Variants in MIER1 observed in about 807,000 individuals in gnomAD.
MIER1 encodes the protein mesoderm induction early response protein 1.
A neutral mutation model predicts 75.7 loss-of-function variants in MIER1; 40 were observed. That is an observed-to-expected ratio of 0.53 (90% CI 0.41 to 0.69). The LOEUF is 0.69. MIER1 is among the 30% of genes least tolerant of loss of function. The pLI, the probability that MIER1 is intolerant of heterozygous loss-of-function variation, is 0.00. For synonymous variants in MIER1, 213 were observed against 223.4 expected, an observed-to-expected ratio of 0.95 and a Z score of 0.42; for missense variants, 574 against 680.2, an observed-to-expected ratio of 0.84 and a Z score of 1.74.
chr1:66,943,654 A>T (rs934541790), intron 3 of MIER1, among the ~76,000 whole-genome samples: 3 of 152,072 alleles, frequency 2.0e-5, no homozygotes, highest in African/African-American at 7.2e-5. Context: ...CCCTGAGCTC[A>T]AGCAGTCCTC....
chr1:66,928,889 G>T (rs1315394563), intron 2 of MIER1: 1 of 1,597,146 alleles, frequency 6.3e-7, no homozygotes, highest in South Asian at 1.1e-5. Context: ...TCTTTCAGTA[G>T]AAAATGTGCA....
chr1:66,955,756 T>G (rs1008823553), intron 4 of MIER1, among the ~76,000 whole-genome samples: 5 of 152,210 alleles, frequency 3.3e-5, no homozygotes, highest in Admixed American at 2.0e-4. Flanking sequence ...CGCTTATGTT[T>G]TTTTCCTTTT....
intron 4 of MIER1, among the ~76,000 whole-genome samples, chr1:66,957,565 A>G (rs1411334907): frequency 7.2e-6 from 1 of 139,662 alleles, no homozygotes; most frequent in Non-Finnish European, 1.6e-5. Flanking sequence ...TCATTTCTGT[A>G]TATTACTACT....
chr1:66,957,967 A>G (rs1010030452), intron 4 of MIER1, 92 bp from the exon 5 acceptor site: 9 of 687,588 alleles, frequency 1.3e-5, no homozygotes, highest in South Asian at 7.0e-5. Flanking sequence ...ATTCTTCACT[A>G]TAGAATGAAT....
intron 3 of MIER1, among the ~76,000 whole-genome samples, chr1:66,941,425 C>T (rs1020368462): frequency 6.6e-5 from 10 of 151,038 alleles, no homozygotes; most frequent in Non-Finnish European, 1.0e-4. Context: ...GAATTATTTC[C>T]GATTTTTTTT....
Position 66,946,289 on chromosome 1 carries a change from T to C in MIER1, c.333T>C (p.Leu111=), listed in dbSNP as rs1475739789. The change falls in exon 4 of 14, where the codon CTT becomes CTC. Residue 111 remains leucine, a synonymous_variant. Transcript: ENST00000401041. ...ACTTCAGCTCTGAAATAGAAGATCT[T>C]GCAAGGGTAAATAACATGTAGAGCT... ...ETNFSSEIED[L]AREGDMPIHE... The C allele has an allele frequency of 1.3e-5, 21 of 1,606,076 alleles. No homozygotes were observed. Among genetic ancestry groups the C allele is most frequent in the Admixed American group, 1.7e-5 (1 of 57,516 alleles).
chr1:66,950,026 T>A (rs1658558955), intron 4 of MIER1, among the ~76,000 whole-genome samples: 2 of 152,180 alleles, frequency 1.3e-5, no homozygotes, highest in Non-Finnish European at 2.9e-5. Context: ...TAAAATTGGG[T>A]GTATAGGTTA....
intron 2 of MIER1, among the ~76,000 whole-genome samples, chr1:66,930,026 T>TGGCGGATCAGCTGGAGC (rs1553237254): frequency 1.3e-5 from 2 of 152,140 alleles, no homozygotes; most frequent in African/African-American, 4.8e-5. Context: ...CCGCCTGGAG[T>TGGCGGATCAGCTGGAGC]GGCGGATCAG....
At chr1:66,984,011 A>G (rs1183949754) in intron 13 of MIER1, among the ~76,000 whole-genome samples, 4 of 152,264 alleles carry the variant, frequency 2.6e-5, no homozygotes, top group Non-Finnish European at 2.9e-5. Context: ...GGCGTGAGCC[A>G]CTGCACCCAG....
At chr1:66,966,302 T>TG (rs952549170) in intron 8 of MIER1, among the ~76,000 whole-genome samples, 30 of 152,302 alleles carry the variant, frequency 2.0e-4, no homozygotes, top group African/African-American at 5.5e-4. Flanking sequence ...TTTTTGTCCT[T>TG]GCGATAGTTT....
At chr1:66,971,407 T>C (rs1663585187) in intron 9 of MIER1, among the ~76,000 whole-genome samples, 1 of 152,062 alleles carries the variant, frequency 6.6e-6, no homozygotes, top group South Asian at 2.1e-4. Context: ...ATGAATTCTT[T>C]TTAGTCCTAG....
chr1:66,947,880 T>A, intron 4 of MIER1: 1 of 971,512 alleles, frequency 1.0e-6, no homozygotes, highest in Middle Eastern at 5.3e-4. Flanking sequence ...GGTTTTCAGC[T>A]CATTCTCACT....
At chr1:66,956,952 A>T (rs1660249852) in intron 4 of MIER1, among the ~76,000 whole-genome samples, 1 of 152,216 alleles carries the variant, frequency 6.6e-6, no homozygotes, top group Non-Finnish European at 1.5e-5. Flanking sequence ...AATGTGTTTA[A>T]CACATGAGCT....
Position 66,953,596 on chromosome 1 carries a change from C to CT in MIER1, c.340-4447dup, listed in dbSNP as rs56012776. Among the ~76,000 whole-genome samples the CT allele has an allele frequency of 7.2e-3, 967 of 134,648 alleles. 11 individuals carry two copies. Among genetic ancestry groups the CT allele is most frequent in the East Asian group, 0.039 (185 of 4,758 alleles). The allele number at this position is 134,648 out of a possible 152,430, so 88.3% of individuals were successfully genotyped here. A position where few individuals can be genotyped will look rare whatever the true frequency, so the allele number is the denominator to read the frequency against. On this transcript the variant is annotated intron_variant, in intron 4 of 13. Coordinates refer to ENST00000401041, the MANE Select transcript of MIER1 (RefSeq NM_001077700.3). ...ACTAGTAAGTAAGCATTTTCTTTTC[C>CT]TTTTTTTTTTTTTTTTAATATTCTT... is the stretch of plus-strand genomic sequence containing the variant.
At chr1:66,925,172 C>T (rs2100953445) in intron 1 of MIER1, 77 bp downstream of exon 1, 2 of 1,494,476 alleles carry the variant, frequency 1.3e-6, no homozygotes, top group African/African-American at 1.4e-5. Flanking sequence ...TGTCCTCAGT[C>T]CCCTTTCTCT....
rs1570267669 is a variant in MIER1 at position 66,949,400 on chromosome 1, A to G, written c.339+3105A>G. On this transcript the variant is annotated intron_variant, in intron 4 of 13. Coordinates refer to ENST00000401041, the MANE Select transcript of MIER1 (RefSeq NM_001077700.3). ...CTCCTATTCCTTTCCCCAGCCCCAT[A>G]TAGTGCCTTAAAACTTGCTTTCAAG... is the stretch of plus-strand genomic sequence containing the variant. Among the ~76,000 whole-genome samples, 4 of 152,134 alleles carry G rather than the reference A, an allele frequency of 2.6e-5. No individual in the cohort carries two copies. In the South Asian group the frequency reaches 8.3e-4, roughly 32 times the overall value.
chr1:66,925,040 T>A lies in MIER1; in HGVS notation c.12T>A (p.Ala4=). 6.5e-7 allele frequency: 1 copy of A among 1,549,622 alleles called. No individual in the cohort carries two copies. Among genetic ancestry groups the A allele is most frequent in the Non-Finnish European group, 8.7e-7 (1 of 1,146,254 alleles). The part of the protein sequence containing the change: MDG[A]SSGGGGSSEG... ...CCGGCTGCAGGCGGATGGATGGGGC[T>A]TCTTCAGGCGGTGGCGGCAGCAGCG... The change falls in exon 1 of 14, where the codon GCT becomes GCA. Residue 4 remains alanine (A), a synonymous_variant. Transcript: ENST00000401041.
chr1:66,955,082 A>G (rs894403100), intron 4 of MIER1, among the ~76,000 whole-genome samples: 1 of 152,142 alleles, frequency 6.6e-6, no homozygotes, highest in African/African-American at 2.4e-5. Context: ...TTAATCTATG[A>G]TTGTCAGACA....
At position 66,972,259 on chromosome 1, in the gene MIER1, T is replaced by G. The variant is rs768392299; in HGVS notation, c.1006+523T>G. On this transcript the variant is annotated intron_variant, in intron 10 of 13. Coordinates refer to ENST00000401041, the MANE Select transcript of MIER1 (RefSeq NM_001077700.3). ...ACATATATATATATATATATATATATATAGATATGTAACAAATGAGAGATA... is the reference window on the plus strand; with the variant it reads ...ACATATATATATATATATATATATAGATAGATATGTAACAAATGAGAGATA... 1.5e-3 allele frequency among the ~76,000 whole-genome samples: 145 copies of G among 96,520 alleles called. 1 individual carries two copies. The highest frequency in any genetic ancestry group is 4.7e-3 in the Middle Eastern group (1 of 212). The allele number at this position is 96,520 out of a possible 152,430, so 63.3% of individuals were successfully genotyped here.
Sources: allele counts gnomAD v4.1 joint callset (sites outside exome capture counted in the v4.1 genomes callset), GRCh38; gene constraint gnomAD v4.1.1; transcripts MANE v1.5; gene names NCBI Gene and HGNC (gene_info 2026-07-23, HGNC 2026-07-21).